The following PLCB1 variants were observed in gnomAD, a reference collection of about 807,000 sequenced individuals.
PLCB1 encodes the protein 1-phosphatidylinositol 4,5-bisphosphate phosphodiesterase beta-1.
In PLCB1, 46 loss-of-function variants were observed where a neutral mutation model predicts 161.8. The ratio of observed to expected loss-of-function variants is 0.28; its 90% CI spans 0.22 to 0.36. The LOEUF is 0.36. Ranked by LOEUF, PLCB1 falls within the 10% of genes least tolerant of loss-of-function variation. The probability of loss-of-function intolerance (pLI) is 1.00; values close to 1 mark genes in which losing one functional copy is unlikely to be tolerated. For missense variants in PLCB1, 1,016 were observed against 1,472.5 expected (o/e 0.69, Z 5.07); for synonymous variants, 517 against 503.7 (o/e 1.03, Z -0.35).
At chr20:8,353,168 G>C (rs547613623) in intron 2 of PLCB1, among the ~76,000 whole-genome samples, 10 of 152,162 alleles carry the variant, frequency 6.6e-5, no homozygotes, top group Admixed American at 5.9e-4. Flanking sequence ...ACAATGCCAG[G>C]AAGCAAGAAA....
At chr20:8,318,696 T>G (rs2719810) in intron 2 of PLCB1, among the ~76,000 whole-genome samples, 16,640 of 152,128 alleles carry the variant, frequency 0.11, 1,878 homozygotes, top group African/African-American at 0.29. Context: ...TTATTTTTTT[T>G]GGGTTGTGTG....
At chr20:8,292,106 C>T (rs1983409675) in intron 2 of PLCB1, among the ~76,000 whole-genome samples, 1 of 152,086 alleles carries the variant, frequency 6.6e-6, no homozygotes, top group Non-Finnish European at 1.5e-5. Context: ...TGGTTTTATG[C>T]TTATGACCCT....
chr20:8,362,451 T>C (rs1986573344), intron 2 of PLCB1, among the ~76,000 whole-genome samples: 2 of 152,222 alleles, frequency 1.3e-5, no homozygotes, highest in African/African-American at 4.8e-5. Flanking sequence ...CATAGATGCA[T>C]GCAACTATAC....
intron 9 of PLCB1, among the ~76,000 whole-genome samples, chr20:8,660,529 C>T (rs1989593754): frequency 6.6e-6 from 1 of 152,108 alleles, no homozygotes; most frequent in South Asian, 2.1e-4. Context: ...CTGCTGATGG[C>T]ACAGGCTTCA....
At chr20:8,484,067 C>T (rs7270985) in intron 3 of PLCB1, among the ~76,000 whole-genome samples, 73,811 of 151,990 alleles carry the variant, frequency 0.49, 18,942 homozygotes, top group East Asian at 0.66. Context: ...CTCTTGTTGC[C>T]CAGGCTAGAC....
intron 2 of PLCB1, among the ~76,000 whole-genome samples, chr20:8,232,175 G>C (rs920855685): frequency 1.3e-5 from 2 of 151,872 alleles, no homozygotes; most frequent in Non-Finnish European, 2.9e-5. Context: ...CCCGTGAAAA[G>C]CTACAGCACT....
At chr20:8,721,343 A>G (rs1392482377) in intron 14 of PLCB1, among the ~76,000 whole-genome samples, 1 of 152,210 alleles carries the variant, frequency 6.6e-6, no homozygotes, top group Non-Finnish European at 1.5e-5. Flanking sequence ...TGAGCCCTGA[A>G]AGATAGTAGT....
At chr20:8,541,633 G>A (rs963916215) in intron 3 of PLCB1, among the ~76,000 whole-genome samples, 1 of 143,762 alleles carries the variant, frequency 7.0e-6, no homozygotes, top group Non-Finnish European at 1.5e-5. Context: ...ATGAAATGTG[G>A]GCATGGTTGA....
chr20:8,702,678 G>T (rs1301133143), intron 11 of PLCB1, among the ~76,000 whole-genome samples: 1 of 152,176 alleles, frequency 6.6e-6, no homozygotes, highest in Non-Finnish European at 1.5e-5. Context: ...ATTGAATCTA[G>T]TGTTACAAGT....
At chr20:8,742,091 A>G (rs894495782) in intron 23 of PLCB1, among the ~76,000 whole-genome samples, 2 of 152,156 alleles carry the variant, frequency 1.3e-5, no homozygotes, top group African/African-American at 4.8e-5. Flanking sequence ...AATAATTGAT[A>G]TATTATTCCA....
At chr20:8,262,557 G>A (rs1981755922) in intron 2 of PLCB1, among the ~76,000 whole-genome samples, 1 of 152,226 alleles carries the variant, frequency 6.6e-6, no homozygotes, top group Non-Finnish European at 1.5e-5. Context: ...ATTGCCTTCA[G>A]TCACTGGAAG....
chr20:8,798,284 C>T (rs969735386), intron 31 of PLCB1, among the ~76,000 whole-genome samples: 24 of 151,866 alleles, frequency 1.6e-4, no homozygotes, highest in African/African-American at 4.6e-4. Context: ...TCAGCCATTA[C>T]CAGAAATAGA....
At chr20:8,226,038 T>G (rs1051626312) in intron 2 of PLCB1, among the ~76,000 whole-genome samples, 2 of 152,188 alleles carry the variant, frequency 1.3e-5, no homozygotes, top group Non-Finnish European at 2.9e-5. Flanking sequence ...AGGCACATGG[T>G]AAGGGCCATC....
intron 9 of PLCB1, among the ~76,000 whole-genome samples, chr20:8,659,531 G>T (rs1989564398): frequency 6.6e-6 from 1 of 152,032 alleles, no homozygotes; most frequent in Non-Finnish European, 1.5e-5. Flanking sequence ...TTATTGAAAA[G>T]AAATCAATTA....
intron 2 of PLCB1, among the ~76,000 whole-genome samples, chr20:8,309,019 A>G (rs1339457692): frequency 3.3e-5 from 5 of 152,094 alleles, no homozygotes; most frequent in Non-Finnish European, 7.4e-5. Flanking sequence ...ATTGGGGGAA[A>G]AAAAACATTG....
At chr20:8,267,346 C>G (rs2743174) in intron 2 of PLCB1, among the ~76,000 whole-genome samples, 5,920 of 152,190 alleles carry the variant, frequency 0.039, 382 homozygotes, top group African/African-American at 0.13. Flanking sequence ...CTGCCTTCTG[C>G]GGGGTAGCCT....
At chr20:8,167,092 T>C (rs1441561328) in intron 2 of PLCB1, among the ~76,000 whole-genome samples, 1 of 152,184 alleles carries the variant, frequency 6.6e-6, no homozygotes, top group African/African-American at 2.4e-5. Flanking sequence ...CTGTAGTGTC[T>C]GATTTCGAGA....
intron 9 of PLCB1, among the ~76,000 whole-genome samples, chr20:8,676,197 C>T (rs183125238): frequency 6.6e-4 from 101 of 152,212 alleles, no homozygotes; most frequent in African/African-American, 2.2e-3. Context: ...CCTGTCTCTA[C>T]GAAAAATACA....
intron 2 of PLCB1, among the ~76,000 whole-genome samples, chr20:8,225,480 T>A (rs1022055036): frequency 3.3e-5 from 5 of 152,212 alleles, no homozygotes; most frequent in African/African-American, 9.6e-5. Flanking sequence ...GCTTATAGTA[T>A]TTTAGAATAT....
Sources: gnomAD v4.1 joint callset for allele counts (sites outside exome capture counted in the v4.1 genomes callset) on GRCh38, gnomAD v4.1.1 for gene constraint, MANE v1.5 for transcripts, NCBI Gene and HGNC (gene_info 2026-07-23, HGNC 2026-07-21) for gene names.